MYBPC1: variants seen among roughly 807,000 people sequenced by gnomAD.
MYBPC1 encodes the protein myosin-binding protein C, slow-type.
Under a neutral mutation model 147.1 loss-of-function variants are expected in MYBPC1, and 52 were observed. The observed-to-expected ratio is 0.35, with a 90% CI of 0.28 to 0.45. The LOEUF is 0.45. Among genes scored for constraint, MYBPC1 ranks in the 20% least tolerant of loss-of-function variants. The probability of loss-of-function intolerance (pLI) is 1.00; values close to 1 mark genes in which losing one functional copy is unlikely to be tolerated. For missense variants in MYBPC1, 1,228 were observed against 1,440.3 expected (o/e 0.85, Z 2.39); for synonymous variants, 477 against 475.9 (o/e 1.00, Z -0.03).
Position 101,682,476 on chromosome 12 carries a change from G to A in MYBPC1, c.3434-128G>A, listed in dbSNP as rs192551194. On this transcript the variant is annotated intron_variant, in intron 29 of 31. Transcript: ENST00000361466. ...AAAAGCTTTTGGTCCTAAAAGTAAA[G>A]CTGAAATTGTTTATCATCAGACTGT... 642 of 833,716 alleles carry A rather than the reference G, an allele frequency of 7.7e-4. 1 individual carries two copies. The highest frequency in any genetic ancestry group is 1.0e-3 in the Non-Finnish European group (526 of 512,042). The allele number at this position is 833,716 out of a possible 1,614,324, so 51.6% of individuals were successfully genotyped here.
intron 28 of MYBPC1, among the ~76,000 whole-genome samples, chr12:101,679,420 GGAA>G (rs1950789168): frequency 2.0e-5 from 3 of 152,276 alleles, no homozygotes; most frequent in East Asian, 1.9e-4. Context: ...ACGGGTGGAA[GGAA>G]GAAGAAGACT....
intron 1 of MYBPC1, among the ~76,000 whole-genome samples, chr12:101,604,761 A>C (rs933592686): frequency 6.6e-6 from 1 of 152,168 alleles, no homozygotes; most frequent in Non-Finnish European, 1.5e-5. Flanking sequence ...TTCCTACTTT[A>C]TCCCTCCTAG....
intron 11 of MYBPC1, among the ~76,000 whole-genome samples, chr12:101,643,370 C>A (rs1027813136): frequency 2.6e-5 from 4 of 152,022 alleles, no homozygotes; most frequent in African/African-American, 9.7e-5. Flanking sequence ...TCCCAGAACT[C>A]CTGAAGTTAT....
intron 1 of MYBPC1, among the ~76,000 whole-genome samples, chr12:101,602,977 G>T (rs1490764834): frequency 6.6e-6 from 1 of 152,146 alleles, no homozygotes; most frequent in Non-Finnish European, 1.5e-5. Context: ...AGATGAAAGA[G>T]TTACCCTACA....
rs550974915 is a variant in MYBPC1, at chr12:101,636,577, A to C, written c.609-95A>C. The stretch of plus-strand genomic sequence containing the variant: ...GTTGATTTAGTCCTTGTGTGGCACA[A>C]AATTGCATATACGTTACATGTAGAG... On this transcript the variant is annotated intron_variant, in intron 9 of 31. Transcript: ENST00000361466. 3 of 1,008,982 alleles carry C rather than the reference A, an allele frequency of 3.0e-6. No individual in the cohort carries two copies. In the South Asian group the frequency reaches 4.0e-5, roughly 13 times the overall value. The allele number at this position is 1,008,982 out of a possible 1,614,324, so 62.5% of individuals were successfully genotyped here. A position where few individuals can be genotyped will look rare whatever the true frequency, so the allele number is the denominator to read the frequency against.
Position 101,685,833 on chromosome 12 carries a change from C to A in MYBPC1, c.*271C>A. The A allele has an allele frequency of 1.7e-6, 1 of 575,520 alleles. No homozygotes were observed. Among genetic ancestry groups the A allele is most frequent in the African/African-American group, 1.9e-5 (1 of 51,788 alleles). The allele number at this position is 575,520 out of a possible 1,614,324, so 35.7% of individuals were successfully genotyped here. ...AGAGAAAAAAAAAAAAAAAAGTTTG[C>A]CCAGATTGCTTAATTAAAAATTGCA... is the stretch of plus-strand genomic sequence containing the variant. On this transcript the variant is annotated 3_prime_UTR_variant, in exon 32 of 32. Coordinates refer to ENST00000361466, the MANE Select transcript of MYBPC1 (RefSeq NM_002465.4).
intron 1 of MYBPC1, among the ~76,000 whole-genome samples, chr12:101,605,958 G>A (rs1881973461): frequency 6.6e-6 from 1 of 152,070 alleles, no homozygotes; most frequent in African/African-American, 2.4e-5. Context: ...ACTTTGGAAG[G>A]CTGAGGCGGG....
At chr12:101,683,181 G>T (rs1408599066) in intron 30 of MYBPC1, among the ~76,000 whole-genome samples, 4 of 152,098 alleles carry the variant, frequency 2.6e-5, no homozygotes, top group Non-Finnish European at 4.4e-5. Context: ...TATAATCCCA[G>T]CACTTTGGGA....
intron 5 of MYBPC1, chr12:101,628,213 G>A (rs1045174331): frequency 3.8e-5 from 11 of 286,086 alleles, no homozygotes; most frequent in East Asian, 1.8e-4. Flanking sequence ...TCATTCATTC[G>A]ACAAATTTGT....
chr12:101,660,701 A>G (rs982335834), intron 19 of MYBPC1, among the ~76,000 whole-genome samples: 3 of 151,804 alleles, frequency 2.0e-5, no homozygotes, highest in African/African-American at 7.3e-5. Context: ...AGACTGGGTA[A>G]TTTATAAAGA....
At chr12:101,639,735 A>G (rs1046043184) in intron 10 of MYBPC1, among the ~76,000 whole-genome samples, 6 of 152,174 alleles carry the variant, frequency 3.9e-5, no homozygotes, top group African/African-American at 1.4e-4. Flanking sequence ...TCATGGATCT[A>G]TGTAGGACTC....
At chr12:101,609,192 G>C (rs1883369177) in intron 1 of MYBPC1, among the ~76,000 whole-genome samples, 1 of 152,126 alleles carries the variant, frequency 6.6e-6, no homozygotes, top group East Asian at 1.9e-4. Flanking sequence ...GTGATATTTA[G>C]GGGGTGTGCT....
intron 1 of MYBPC1, among the ~76,000 whole-genome samples, chr12:101,602,580 A>T (rs1880523581): frequency 6.6e-6 from 1 of 152,214 alleles, no homozygotes; most frequent in Non-Finnish European, 1.5e-5. Flanking sequence ...CTCCTAAAGC[A>T]GTAAACTCAG....
At chr12:101,677,048 T>C (rs937258692) in intron 26 of MYBPC1, among the ~76,000 whole-genome samples, 187 bp from the exon 27 acceptor site, 3 of 152,192 alleles carry the variant, frequency 2.0e-5, no homozygotes, top group Non-Finnish European at 2.9e-5. Flanking sequence ...AGTTGTGAAA[T>C]ATTAAACAAA....
intron 2 of MYBPC1, among the ~76,000 whole-genome samples, chr12:101,615,661 C>T (rs902110700): frequency 1.2e-4 from 6 of 52,064 alleles, no homozygotes; most frequent in Non-Finnish European, 1.6e-4. Context: ...AAGAACCCCC[C>T]GCCCCCCCCC....
chr12:101,676,010 C>T (rs1899884530), intron 26 of MYBPC1, among the ~76,000 whole-genome samples: 1 of 152,204 alleles, frequency 6.6e-6, no homozygotes, highest in South Asian at 2.1e-4. Context: ...GCCCACAGGC[C>T]TCATGCAACC....
intron 24 of MYBPC1, among the ~76,000 whole-genome samples, chr12:101,672,477 C>T (rs759794113): frequency 6.6e-6 from 1 of 152,070 alleles, no homozygotes; most frequent in South Asian, 2.1e-4. Context: ...GTTTCAACAG[C>T]GAGAGGGAAC....
At chr12:101,657,579 A>G (rs1425908325) in intron 18 of MYBPC1, among the ~76,000 whole-genome samples, 1 of 152,208 alleles carries the variant, frequency 6.6e-6, no homozygotes. Context: ...ATGCCCATAA[A>G]TTTCACAACC....
At chr12:101,669,237 A>G (rs1037583378) in intron 23 of MYBPC1, among the ~76,000 whole-genome samples, 1 of 152,220 alleles carries the variant, frequency 6.6e-6, no homozygotes. Context: ...TCCCCAGGAA[A>G]AGCACCGTAC....
Sources: gnomAD v4.1 joint callset for allele counts (sites outside exome capture counted in the v4.1 genomes callset) on GRCh38, gnomAD v4.1.1 for gene constraint, MANE v1.5 for transcripts, NCBI Gene and HGNC (gene_info 2026-07-23, HGNC 2026-07-21) for gene names.